MEMO1: variants seen among roughly 807,000 people sequenced by gnomAD.
MEMO1 encodes mediator of cell motility 1.
A neutral mutation model predicts 45.2 loss-of-function variants in MEMO1; 6 were observed. That is an observed-to-expected ratio of 0.13 (90% CI 0.07 to 0.26). The LOEUF is 0.26. Among genes scored for constraint, MEMO1 ranks in the 10% least tolerant of loss-of-function variants. MEMO1 has a pLI of 1.00. For missense variants in MEMO1, 184 were observed against 370.5 expected, an observed-to-expected ratio of 0.50 and a Z score of 4.13; for synonymous variants, 78 against 124.3, an observed-to-expected ratio of 0.63 and a Z score of 2.48.
chr2:31,920,790 A>G lies in MEMO1; in HGVS notation c.325+8T>C. 1 of 1,483,750 alleles carries G rather than the reference A, an allele frequency of 6.7e-7. No homozygotes were observed. The highest frequency in any genetic ancestry group is 9.1e-7 in the Non-Finnish European group (1 of 1,094,804). The allele number at this position is 1,483,750 out of a possible 1,614,324, so 91.9% of individuals were successfully genotyped here. On this transcript the variant is annotated splice_region_variant and intron_variant, in intron 5 of 9. Coordinates refer to ENST00000404530, the MANE Select transcript of MEMO1 (RefSeq NM_001301833.4). ...TATTTGAAAGCTATAATATTTCTATATACTTACTCTTTTGGTCAATACGAA... is the reference window on the plus strand; with the variant it reads ...TATTTGAAAGCTATAATATTTCTATGTACTTACTCTTTTGGTCAATACGAA...
At chr2:31,950,060 T>C (rs1379948151) in intron 2 of MEMO1, among the ~76,000 whole-genome samples, 1 of 152,222 alleles carries the variant, frequency 6.6e-6, no homozygotes, top group East Asian at 1.9e-4. Flanking sequence ...TTTACACTTA[T>C]TGGCAGAGTT....
At chr2:32,010,615 C>T (rs1377186342) in intron 1 of MEMO1, 1 of 162,308 alleles carries the variant, frequency 6.2e-6, no homozygotes, top group Non-Finnish European at 1.3e-5. Context: ...CCCTCCCCTC[C>T]CAGCTGGCCT....
At chr2:31,957,204 G>C (rs1441629687) in intron 2 of MEMO1, among the ~76,000 whole-genome samples, 2 of 150,828 alleles carry the variant, frequency 1.3e-5, no homozygotes, top group Non-Finnish European at 2.9e-5. Flanking sequence ...AACAAAGAGA[G>C]ACACTTTGCT....
intron 2 of MEMO1, among the ~76,000 whole-genome samples, chr2:31,982,191 G>A (rs910684709): frequency 4.6e-5 from 7 of 151,766 alleles, no homozygotes; most frequent in African/African-American, 9.7e-5. Context: ...CAGCTACTCG[G>A]GAGGCTGAGT....
intron 4 of MEMO1, among the ~76,000 whole-genome samples, chr2:31,921,703 C>T (rs979800275): frequency 2.7e-4 from 41 of 151,906 alleles, no homozygotes; most frequent in Admixed American, 2.4e-3. Context: ...ACAAAATATC[C>T]ATTATAAAAA....
intron 3 of MEMO1, among the ~76,000 whole-genome samples, chr2:31,939,848 CA>C (rs1233268076): frequency 6.6e-6 from 1 of 152,144 alleles, no homozygotes; most frequent in Non-Finnish European, 1.5e-5. Context: ...CAAAATTCCT[CA>C]AAAAACTATC....
At chr2:32,000,346 GCAGCCT>G (rs1463465417) in intron 2 of MEMO1, among the ~76,000 whole-genome samples, 1 of 151,450 alleles carries the variant, frequency 6.6e-6, no homozygotes, top group East Asian at 1.9e-4. Context: ...TCTTCTCGCC[GCAGCCT>G]CCCAAGTAGC....
At chr2:31,978,633 G>GT (rs1426698120) in intron 2 of MEMO1, among the ~76,000 whole-genome samples, 1 of 152,120 alleles carries the variant, frequency 6.6e-6, no homozygotes, top group Non-Finnish European at 1.5e-5. Context: ...GGGTCTTGCT[G>GT]TGTTGCCCAT....
At chr2:31,961,816 A>G (rs1668039458) in intron 2 of MEMO1, among the ~76,000 whole-genome samples, 1 of 152,086 alleles carries the variant, frequency 6.6e-6, no homozygotes, top group South Asian at 2.1e-4. Context: ...TGTCACAGTA[A>G]TCCTATGACA....
intron 6 of MEMO1, among the ~76,000 whole-genome samples, chr2:31,912,580 T>C (rs1392405726): frequency 2.0e-5 from 3 of 147,468 alleles, no homozygotes; most frequent in Non-Finnish European, 4.5e-5. Flanking sequence ...TTAAAGATAA[T>C]ATATGGTGAC....
intron 2 of MEMO1, among the ~76,000 whole-genome samples, chr2:31,958,120 C>T (rs545679672): frequency 3.3e-5 from 5 of 152,106 alleles, no homozygotes; most frequent in South Asian, 4.2e-4. Context: ...AGATATAACA[C>T]CCATCACAAT....
At chr2:31,957,643 A>C (rs115427172) in intron 2 of MEMO1, among the ~76,000 whole-genome samples, 307 of 152,362 alleles carry the variant, frequency 2.0e-3, no homozygotes, top group African/African-American at 7.1e-3. Flanking sequence ...GAACATGGAA[A>C]TACTCTAGAA....
At chr2:31,920,164 C>T (rs992715894) in intron 5 of MEMO1, among the ~76,000 whole-genome samples, 2 of 137,652 alleles carry the variant, frequency 1.5e-5, no homozygotes, top group Non-Finnish European at 1.5e-5. Context: ...TAAAATTACT[C>T]CCCCCCCCAA....
At chr2:31,967,174 AGTGCAGCGGC>A (rs1362942010) in intron 2 of MEMO1, among the ~76,000 whole-genome samples, 1 of 147,226 alleles carries the variant, frequency 6.8e-6, no homozygotes, top group Non-Finnish European at 1.5e-5. Context: ...CCCAGGCTGG[AGTGCAGCGGC>A]GCCATCTCGG....
intron 6 of MEMO1, among the ~76,000 whole-genome samples, chr2:31,903,685 A>G (rs960550590): frequency 2.6e-5 from 4 of 152,234 alleles, no homozygotes; most frequent in Non-Finnish European, 5.9e-5. Flanking sequence ...GAAAAAGAGG[A>G]AACTGAGAAA....
chr2:31,916,427 C>A (rs963822870), intron 6 of MEMO1, among the ~76,000 whole-genome samples: 1 of 152,146 alleles, frequency 6.6e-6, no homozygotes, highest in South Asian at 2.1e-4. Context: ...CAGAGTTTTG[C>A]CACATTGCCC....
At chr2:31,883,689 T>G (rs543130166) in intron 7 of MEMO1, among the ~76,000 whole-genome samples, 1 of 152,228 alleles carries the variant, frequency 6.6e-6, no homozygotes, top group African/African-American at 2.4e-5. Context: ...CTGTTTCAAA[T>G]TGTAGAAACC....
At chr2:31,924,157 T>C (rs1446581340) in intron 4 of MEMO1, among the ~76,000 whole-genome samples, 1 of 152,100 alleles carries the variant, frequency 6.6e-6, no homozygotes, top group Non-Finnish European at 1.5e-5. Flanking sequence ...TAAATGTCAT[T>C]GAAAGGAAAG....
At chr2:31,928,560 AAAAGAAG>A (rs1683472146) in intron 4 of MEMO1, among the ~76,000 whole-genome samples, 1 of 151,488 alleles carries the variant, frequency 6.6e-6, no homozygotes, top group Non-Finnish European at 1.5e-5. Context: ...AAAAAAAAAA[AAAAGAAG>A]AAGAAAAAGA....
Sources: gnomAD v4.1 joint callset for allele counts (sites outside exome capture counted in the v4.1 genomes callset) on GRCh38, gnomAD v4.1.1 for gene constraint, MANE v1.5 for transcripts, NCBI Gene and HGNC (gene_info 2026-07-23, HGNC 2026-07-21) for gene names.